CNTNAP2: variants seen among roughly 807,000 people sequenced by gnomAD.
The protein encoded by CNTNAP2 is contactin-associated protein-like 2.
A neutral mutation model predicts 155.2 loss-of-function variants in CNTNAP2; 98 were observed. The ratio of observed to expected loss-of-function variants is 0.63; its 90% confidence interval spans 0.54 to 0.75. CNTNAP2 has a LOEUF of 0.75. CNTNAP2 is among the 30% of genes least tolerant of loss of function. CNTNAP2 has a pLI of 0.00. For synonymous variants in CNTNAP2, 651 were observed against 631.2 expected, an observed-to-expected ratio of 1.03 and a Z score of -0.47; for missense variants, 1,727 against 1,688.1, an observed-to-expected ratio of 1.02 and a Z score of -0.40.
chr7:147,114,831 T>A (rs1377440937), intron 5 of CNTNAP2, among the ~76,000 whole-genome samples: 1 of 152,204 alleles, frequency 6.6e-6, no homozygotes, highest in Non-Finnish European at 1.5e-5. Flanking sequence ...TATTGTTATG[T>A]GTGGATTTGA....
At chr7:147,834,584 C>A (rs1392163086) in intron 13 of CNTNAP2, among the ~76,000 whole-genome samples, 1 of 152,102 alleles carries the variant, frequency 6.6e-6, no homozygotes, top group Non-Finnish European at 1.5e-5. Context: ...TTCATAGACA[C>A]CTACATCGAC....
chr7:147,903,713 C>T lies in CNTNAP2; in HGVS notation c.2247C>T (p.Tyr749=), dbSNP rs370252902. Residue 749 remains tyrosine (Y), a synonymous_variant, in exon 14 of 24, where the codon TAC becomes TAT. Transcript: ENST00000361727. Reference sequence around the variant, plus strand: ...ACTACTGTAACTGCGACGCGGACTACAAGCAATGGTGAGTGCCTGCGGGCA... The same window carrying T: ...ACTACTGTAACTGCGACGCGGACTATAAGCAATGGTGAGTGCCTGCGGGCA... The part of the protein sequence containing the change: ...PKYYCNCDAD[Y]KQWRKDAGFL... The T allele has an allele frequency of 1.2e-6, 2 of 1,613,658 alleles. No homozygotes were observed. The highest frequency in any genetic ancestry group is 1.7e-6 in the Non-Finnish European group (2 of 1,179,830).
chr7:146,835,401 G>A (rs1191088961), intron 2 of CNTNAP2, among the ~76,000 whole-genome samples: 1 of 152,076 alleles, frequency 6.6e-6, no homozygotes, highest in African/African-American at 2.4e-5. Flanking sequence ...GTATGAAATT[G>A]GCTATAAAAT....
At chr7:146,338,894 G>C (rs1165836588) in intron 1 of CNTNAP2, among the ~76,000 whole-genome samples, 1 of 148,598 alleles carries the variant, frequency 6.7e-6, no homozygotes, top group Non-Finnish European at 1.5e-5. Context: ...TTTTAAAAAA[G>C]GTTTCAGGCC....
chr7:147,640,901 G>C (rs1376975095), intron 13 of CNTNAP2, among the ~76,000 whole-genome samples: 1 of 152,156 alleles, frequency 6.6e-6, no homozygotes, highest in East Asian at 1.9e-4. Flanking sequence ...GTTTGACCGG[G>C]CACGTTATTC....
At chr7:147,772,491 CA>C (rs1193910514) in intron 13 of CNTNAP2, among the ~76,000 whole-genome samples, 1,468 of 105,646 alleles carry the variant, frequency 0.014, 114 homozygotes, top group Admixed American at 0.1. Context: ...TATACACACA[CA>C]AAAAAAAAAC....
chr7:146,785,133 G>A (rs905203930), intron 2 of CNTNAP2, among the ~76,000 whole-genome samples: 2 of 151,644 alleles, frequency 1.3e-5, no homozygotes, highest in Non-Finnish European at 2.9e-5. Flanking sequence ...ACCATGCCCT[G>A]CTAATTTTTT....
At chr7:146,781,969 A>T (rs1802499344) in intron 2 of CNTNAP2, among the ~76,000 whole-genome samples, 2 of 152,102 alleles carry the variant, frequency 1.3e-5, no homozygotes, top group Non-Finnish European at 2.9e-5. Context: ...CTCCTTTGTT[A>T]CACATGGCCC....
chr7:147,338,149 A>G (rs555623985), intron 9 of CNTNAP2, among the ~76,000 whole-genome samples: 2 of 152,238 alleles, frequency 1.3e-5, no homozygotes, highest in East Asian at 1.9e-4. Context: ...GAAACTTACA[A>G]TCATGGTGGA....
intron 1 of CNTNAP2, among the ~76,000 whole-genome samples, chr7:146,131,530 ATTGT>A (rs1797712923): frequency 1.3e-5 from 2 of 152,188 alleles, no homozygotes; most frequent in African/African-American, 4.8e-5. Flanking sequence ...TTCCATGCCA[ATTGT>A]TTGTTTTTAA....
At chr7:148,401,464 G>A (rs1456619118) in intron 22 of CNTNAP2, among the ~76,000 whole-genome samples, 1 of 152,038 alleles carries the variant, frequency 6.6e-6, no homozygotes, top group African/African-American at 2.4e-5. Context: ...CAAACATTAG[G>A]ACTGGAACAA....
In CNTNAP2 at chr7:146,721,519, T is replaced by G. The variant is rs1401329141; in HGVS notation, c.98-52752T>G. Among the ~76,000 whole-genome samples, 3 of 125,276 alleles carry G rather than the reference T, an allele frequency of 2.4e-5. No individual in the cohort carries two copies. In the East Asian group the frequency reaches 7.2e-4, roughly 30 times the overall value. 82.2% of individuals were successfully genotyped at this position (125,276 alleles called of 152,430 possible). A position where few individuals can be genotyped will look rare whatever the true frequency, so the allele number is the denominator to read the frequency against. ...CTATATATATTCTATATATACATTC[T>G]ATATATATTCTATATACATTCTATA... On this transcript the variant is annotated intron_variant, in intron 1 of 23. Transcript: ENST00000361727.
chr7:146,912,917 A>C (rs147384509), intron 3 of CNTNAP2, among the ~76,000 whole-genome samples: 1 of 152,170 alleles, frequency 6.6e-6, no homozygotes, highest in African/African-American at 2.4e-5. Flanking sequence ...TGATATACTC[A>C]TATGTTATAC....
At chr7:146,858,261 A>G (rs1037672399) in intron 3 of CNTNAP2, among the ~76,000 whole-genome samples, 1 of 152,220 alleles carries the variant, frequency 6.6e-6, no homozygotes, top group African/African-American at 2.4e-5. Flanking sequence ...CTCTGCACTC[A>G]TTTGTTCTGT....
chr7:146,736,478 A>T (rs919223070), intron 1 of CNTNAP2, among the ~76,000 whole-genome samples: 2 of 152,188 alleles, frequency 1.3e-5, no homozygotes, highest in Non-Finnish European at 2.9e-5. Flanking sequence ...TTACCTGAAC[A>T]TTGAAAACCT....
chr7:146,791,153 A>G (rs1339873582), intron 2 of CNTNAP2, among the ~76,000 whole-genome samples: 2 of 143,956 alleles, frequency 1.4e-5, no homozygotes, highest in East Asian at 2.0e-4. Context: ...ATGTGTTCTC[A>G]TTGTTCAACT....
intron 3 of CNTNAP2, among the ~76,000 whole-genome samples, chr7:146,973,781 A>C (rs1315997730): frequency 4.6e-5 from 7 of 152,132 alleles, no homozygotes; most frequent in Admixed American, 4.6e-4. Context: ...TATTCTTCCC[A>C]ATTGGCATCA....
intron 13 of CNTNAP2, among the ~76,000 whole-genome samples, chr7:147,814,006 T>C (rs1048568291): frequency 6.6e-6 from 1 of 152,188 alleles, no homozygotes; most frequent in Non-Finnish European, 1.5e-5. Flanking sequence ...TAACATTTAC[T>C]GTTCGGCACT....
intron 3 of CNTNAP2, among the ~76,000 whole-genome samples, chr7:146,959,632 C>T (rs1797513518): frequency 6.7e-6 from 1 of 148,876 alleles, no homozygotes; most frequent in African/African-American, 2.5e-5. Context: ...AGGCAGAAGA[C>T]TCACTTGAAC....
Sources: allele counts gnomAD v4.1 joint callset (sites outside exome capture counted in the v4.1 genomes callset), GRCh38; gene constraint gnomAD v4.1.1; transcripts MANE v1.5; gene names NCBI Gene and HGNC (gene_info 2026-07-23, HGNC 2026-07-21).